PAPSS1: variants seen among roughly 807,000 people sequenced by gnomAD.
PAPSS1 encodes bifunctional 3'-phosphoadenosine 5'-phosphosulfate synthase 1.
Under a neutral mutation model 72.0 loss-of-function variants are expected in PAPSS1, and 50 were observed. That is an observed-to-expected ratio of 0.69 (90% CI 0.55 to 0.88). The LOEUF (loss-of-function observed/expected upper bound fraction) is 0.88. PAPSS1 is among the 40% of genes least tolerant of loss of function. The pLI, the probability that PAPSS1 is intolerant of heterozygous loss-of-function variation, is 0.00. For synonymous variants in PAPSS1, 261 were observed against 263.6 expected, an observed-to-expected ratio of 0.99 and a Z score of 0.09; for missense variants, 657 against 782.2, an observed-to-expected ratio of 0.84 and a Z score of 1.91.
chr4:107,720,013 C>G (rs2074372), intron 1 of PAPSS1, 107 bp downstream of exon 1: 1,367,931 of 1,539,026 alleles, frequency 0.89, 615,175 homozygotes, highest in South Asian at 0.94. Flanking sequence ...CCTCCGCGCT[C>G]CTGGAAGGAT....
chr4:107,645,379 T>C (rs1726665360), intron 9 of PAPSS1, among the ~76,000 whole-genome samples: 2 of 152,174 alleles, frequency 1.3e-5, no homozygotes, highest in African/African-American at 4.8e-5. Flanking sequence ...TCAGACTTTC[T>C]GGTCCTAATA....
intron 5 of PAPSS1, among the ~76,000 whole-genome samples, chr4:107,670,273 C>G (rs529092945): frequency 6.6e-6 from 1 of 152,178 alleles, no homozygotes; most frequent in Admixed American, 6.5e-5. Flanking sequence ...ATCAGATTGT[C>G]TAGCAAGCAT....
rs954166876 is a variant in PAPSS1 at position 107,613,939 on chromosome 4, T to C, written c.*310A>G. The stretch of plus-strand genomic sequence containing the variant: ...CAAGATTTAATGTGAATACTACTGG[T>C]TACAACTAATATAACAGCTTGAAAA... On this transcript the variant is annotated 3_prime_UTR_variant, in exon 12 of 12. Transcript: ENST00000265174. 3 of 190,838 alleles carry C rather than the reference T, an allele frequency of 1.6e-5. No homozygotes were observed. The highest frequency in any genetic ancestry group is 7.0e-5 in the African/African-American group (3 of 42,852). 11.8% of individuals were successfully genotyped at this position (190,838 alleles called of 1,614,324 possible).
At chr4:107,621,222 T>A (rs969734482) in intron 11 of PAPSS1, among the ~76,000 whole-genome samples, 8 of 152,150 alleles carry the variant, frequency 5.3e-5, no homozygotes, top group Admixed American at 4.6e-4. Flanking sequence ...CCAGTGAGAT[T>A]TATGGCATAG....
intron 9 of PAPSS1, among the ~76,000 whole-genome samples, chr4:107,645,568 T>A (rs1230999291): frequency 6.6e-6 from 1 of 152,248 alleles, no homozygotes; most frequent in East Asian, 1.9e-4. Flanking sequence ...TTACAATTAC[T>A]TTGCTCGACT....
chr4:107,626,707 G>A (rs1296521812), intron 11 of PAPSS1, among the ~76,000 whole-genome samples: 1 of 152,064 alleles, frequency 6.6e-6, no homozygotes, highest in South Asian at 2.1e-4. Flanking sequence ...AAAACCTGGC[G>A]CTGAGTAACA....
At chr4:107,631,968 G>A in intron 10 of PAPSS1, 108 bp from the exon 11 acceptor site, 1 of 735,974 alleles carries the variant, frequency 1.4e-6, no homozygotes. Flanking sequence ...TTATCGGTAG[G>A]AAATCTCAAC....
chr4:107,687,012 T>A, intron 4 of PAPSS1, 27 bp downstream of exon 4: 1 of 1,588,458 alleles, frequency 6.3e-7, no homozygotes, highest in Non-Finnish European at 8.5e-7. Flanking sequence ...CTAAGCAAAG[T>A]GAAACTGGGA....
intron 11 of PAPSS1, among the ~76,000 whole-genome samples, chr4:107,622,004 G>A (rs1560562939): frequency 6.6e-6 from 1 of 152,082 alleles, no homozygotes; most frequent in Non-Finnish European, 1.5e-5. Context: ...AAGGGCACTT[G>A]TATGGGGAGA....
At chr4:107,708,656 C>T (rs976932577) in intron 1 of PAPSS1, among the ~76,000 whole-genome samples, 4 of 152,126 alleles carry the variant, frequency 2.6e-5, no homozygotes, top group Non-Finnish European at 5.9e-5. Context: ...AAGTAGAGAC[C>T]GTCTGTTTTA....
chr4:107,692,927 A>G (rs373532020), intron 3 of PAPSS1, among the ~76,000 whole-genome samples: 2 of 152,110 alleles, frequency 1.3e-5, no homozygotes, highest in South Asian at 2.1e-4. Context: ...GTTCTCACTT[A>G]TAAGTGGGAG....
chr4:107,714,263 C>G (rs1188506888), intron 1 of PAPSS1, among the ~76,000 whole-genome samples: 2 of 152,132 alleles, frequency 1.3e-5, no homozygotes, highest in Non-Finnish European at 2.9e-5. Context: ...ATCCACCGAC[C>G]CCCACCCTGC....
chr4:107,666,610 T>C (rs1345278882), intron 5 of PAPSS1, among the ~76,000 whole-genome samples: 1 of 152,180 alleles, frequency 6.6e-6, no homozygotes, highest in African/African-American at 2.4e-5. Context: ...CATCCTATAT[T>C]ACCCGTTGTA....
Position 107,614,276 on chromosome 4 carries a change from T to C in PAPSS1, c.1848A>G (p.Glu616=). 1 of 1,613,932 alleles carries C rather than the reference T, an allele frequency of 6.2e-7. No homozygotes were observed. Among genetic ancestry groups the C allele is most frequent in the Admixed American group, 1.7e-5 (1 of 60,002 alleles). ...MAPKAWTVLT[E]YYKSLEKA is the part of the protein sequence containing the mutation. ...AAGCTTTCTCCAAGGATTTGTAGTATTCTGTCAGCACGGTCCAAGCCTTGG... is the reference window on the plus strand; with the variant it reads ...AAGCTTTCTCCAAGGATTTGTAGTACTCTGTCAGCACGGTCCAAGCCTTGG... Residue 616 remains glutamate, a synonymous_variant, in exon 12 of 12, where the codon GAA becomes GAG. Transcript: ENST00000265174.
chr4:107,704,045 T>C (rs1262716361), intron 1 of PAPSS1, among the ~76,000 whole-genome samples: 2 of 152,136 alleles, frequency 1.3e-5, no homozygotes, highest in Non-Finnish European at 2.9e-5. Context: ...CAGTTTTCAG[T>C]ATACAGGTCT....
At chr4:107,644,320 C>T (rs1726636317) in intron 10 of PAPSS1, among the ~76,000 whole-genome samples, 1 of 152,214 alleles carries the variant, frequency 6.6e-6, no homozygotes, top group South Asian at 2.1e-4. Flanking sequence ...GACTCTCATT[C>T]CAGAGGTGCC....
chr4:107,686,031 T>C (rs746191265), intron 4 of PAPSS1, among the ~76,000 whole-genome samples: 13 of 152,248 alleles, frequency 8.5e-5, no homozygotes, highest in Admixed American at 5.9e-4. Flanking sequence ...GCAAGTCCTT[T>C]GTTTCTGTTA....
intron 9 of PAPSS1, among the ~76,000 whole-genome samples, chr4:107,650,497 T>C (rs2726140): frequency 0.15 from 23,246 of 152,152 alleles, 3,211 homozygotes; most frequent in African/African-American, 0.37. Context: ...GTGCCAACAA[T>C]TAATTTACTA....
intron 10 of PAPSS1, among the ~76,000 whole-genome samples, chr4:107,632,192 TCTAATATATGAGG>T (rs1726241624): frequency 6.6e-6 from 1 of 152,090 alleles, no homozygotes; most frequent in African/African-American, 2.4e-5. Context: ...CAGCTCAAAA[TCTAATATATGAGG>T]TTAGAAGTCA....
Sources: allele counts gnomAD v4.1 joint callset (sites outside exome capture counted in the v4.1 genomes callset), GRCh38; gene constraint gnomAD v4.1.1; transcripts MANE v1.5; gene names NCBI Gene and HGNC (gene_info 2026-07-23, HGNC 2026-07-21).